The following DHRS9 variants were observed in gnomAD, a reference collection of about 807,000 sequenced individuals.
The protein encoded by DHRS9 is dehydrogenase/reductase SDR family member 9.
A neutral mutation model predicts 26.6 loss-of-function variants in DHRS9; 18 were observed. The observed-to-expected ratio is 0.68, with a 90% CI of 0.47 to 1.00. The LOEUF (loss-of-function observed/expected upper bound fraction) is 1.00. DHRS9 is among the 50% of genes least tolerant of loss of function. The pLI is 0.00. For missense variants in DHRS9, 425 were observed against 378.7 expected, an observed-to-expected ratio of 1.12 and a Z score of -1.01; for synonymous variants, 134 against 141.1, an observed-to-expected ratio of 0.95 and a Z score of 0.36.
intron 3 of DHRS9, among the ~76,000 whole-genome samples, chr2:169,085,060 C>T (rs1439044501): frequency 6.6e-6 from 1 of 152,072 alleles, no homozygotes; most frequent in Non-Finnish European, 1.5e-5. Context: ...ATGTGGACAT[C>T]CAGTTTTCCT....
intron 1 of DHRS9, among the ~76,000 whole-genome samples, chr2:169,074,100 A>G (rs541453485): frequency 5.3e-5 from 8 of 152,320 alleles, no homozygotes; most frequent in African/African-American, 1.7e-4. Context: ...AGAGGAATCA[A>G]TGCCTAAATA....
chr2:169,077,568 C>T lies in DHRS9; in HGVS notation c.-59-3955C>T, dbSNP rs80190040. Among the ~76,000 whole-genome samples the T allele has an allele frequency of 2.3e-3, 347 of 151,714 alleles. 9 individuals carry two copies. The East Asian group carries it at 0.058, about 25-fold the overall frequency. ...TACTACTGCGGTTTGTTGTTTCTTCCGTAATTGAAGATTGTGCTAAACTTC... is the reference window on the plus strand; with the variant it reads ...TACTACTGCGGTTTGTTGTTTCTTCTGTAATTGAAGATTGTGCTAAACTTC... On this transcript the variant is annotated intron_variant, in intron 1 of 4. Transcript: ENST00000674881.
intron 2 of DHRS9, 147 bp downstream of exon 2, chr2:169,082,041 G>A (rs897562554): frequency 2.3e-6 from 2 of 861,210 alleles, no homozygotes; most frequent in Non-Finnish European, 3.5e-6. Context: ...TCTTAGGATA[G>A]CTTCTGAGTA....
intron 4 of DHRS9, among the ~76,000 whole-genome samples, chr2:169,094,167 A>G (rs777740425): frequency 1.2e-4 from 18 of 152,086 alleles, no homozygotes; most frequent in Non-Finnish European, 2.2e-4. Context: ...TTTAATTTGC[A>G]TTTCCCTGAT....
chr2:169,091,286 T>TAAAATAAAATAAAAC (rs1684517370), intron 3 of DHRS9, among the ~76,000 whole-genome samples: 1 of 106,672 alleles, frequency 9.4e-6, no homozygotes, highest in Non-Finnish European at 2.0e-5. Flanking sequence ...TAAAATAAAA[T>TAAAATAAAATAAAAC]AAAATAAAAT....
chr2:169,068,446 T>A (rs954334731), upstream of DHRS9, among the ~76,000 whole-genome samples: 2 of 152,146 alleles, frequency 1.3e-5, no homozygotes, highest in African/African-American at 4.8e-5. Flanking sequence ...TGTCTTAGCT[T>A]ACCAAGTTGC....
intron 1 of DHRS9, chr2:169,081,273 A>G (rs574665131): frequency 3.8e-6 from 3 of 791,758 alleles, no homozygotes; most frequent in African/African-American, 3.6e-5. Flanking sequence ...CAATTTTGCC[A>G]TGGCTCCCCT....
Position 169,083,570 on chromosome 2 carries a change from T to C in DHRS9, c.555T>C (p.Gly185=). The C allele has an allele frequency of 6.2e-7, 1 of 1,613,908 alleles. No individual in the cohort carries two copies. The highest frequency in any genetic ancestry group is 8.5e-7 in the Non-Finnish European group (1 of 1,179,906). ...CTCCATCCAAATATGCAGTGGAAGG[T>C]TTCAATGACAGCTTAAGGTAAATCA... ...GYTPSKYAVE[G]FNDSLRRDMK... is the part of the protein sequence containing the mutation. Residue 185 remains glycine, a synonymous_variant, in exon 3 of 5, where the codon GGT becomes GGC. Transcript: ENST00000674881.
intron 3 of DHRS9, among the ~76,000 whole-genome samples, chr2:169,084,800 T>C (rs1037679908): frequency 1.3e-5 from 2 of 152,186 alleles, no homozygotes; most frequent in Admixed American, 6.5e-5. Flanking sequence ...ACTTTTTTGA[T>C]TGTTTCCTTT....
At chr2:169,071,425 G>A (rs1381115149) in intron 1 of DHRS9, among the ~76,000 whole-genome samples, 1 of 150,706 alleles carries the variant, frequency 6.6e-6, no homozygotes, top group Non-Finnish European at 1.5e-5. Flanking sequence ...TTTGAAGGAA[G>A]GCAAAAGAAA....
chr2:169,081,381 A>C, intron 1 of DHRS9, 142 bp from the exon 2 acceptor site: 3 of 1,170,238 alleles, frequency 2.6e-6, no homozygotes, highest in Non-Finnish European at 3.4e-6. Context: ...TCTTCCCAAC[A>C]AACAACCAAA....
At chr2:169,072,260 T>G (rs1322889283) in intron 1 of DHRS9, among the ~76,000 whole-genome samples, 4 of 152,200 alleles carry the variant, frequency 2.6e-5, no homozygotes, top group Non-Finnish European at 5.9e-5. Context: ...ACATAGTTGT[T>G]GATTCAACTT....
At chr2:169,079,004 C>T (rs1474947535) in intron 1 of DHRS9, among the ~76,000 whole-genome samples, 3 of 151,506 alleles carry the variant, frequency 2.0e-5, no homozygotes, top group African/African-American at 4.9e-5. Flanking sequence ...CCCTCCACCA[C>T]ACCCAGCTAA....
intron 1 of DHRS9, among the ~76,000 whole-genome samples, chr2:169,078,815 CTTTTTTTTT>C (rs200691133): frequency 0.3 from 33,381 of 111,208 alleles, 4,296 homozygotes; most frequent in African/African-American, 0.41. Flanking sequence ...TATCAACTGA[CTTTTTTTTT>C]TTTTTTTTTT....
At chr2:169,071,899 G>A (rs967636005) in intron 1 of DHRS9, among the ~76,000 whole-genome samples, 10 of 151,556 alleles carry the variant, frequency 6.6e-5, no homozygotes, top group African/African-American at 2.4e-4. Context: ...ATTTCTGGGT[G>A]GACCATTTGA....
At chr2:169,092,257 C>T (rs960972576) in intron 4 of DHRS9, among the ~76,000 whole-genome samples, 1 of 152,184 alleles carries the variant, frequency 6.6e-6, no homozygotes, top group Non-Finnish European at 1.5e-5. Context: ...CTCAAGATTA[C>T]ACAACACCTC....
rs1167802523 is a variant in DHRS9 at position 169,081,678 on chromosome 2, T to A, written c.97T>A (p.Phe33Ile). ...TGAAGACATCACTGATAAGTACATT[T>A]TTATCACTGGATGTGACTCGGGCTT... Reference protein sequence around the residue: ...KIEDITDKYIFITGCDSGFGN... With the variant: ...KIEDITDKYIIITGCDSGFGN... The change falls in exon 2 of 5, where the codon TTT becomes ATT. Residue 33 changes from phenylalanine to isoleucine, a missense_variant. Transcript: ENST00000674881. 1.2e-6 allele frequency: 2 copies of A among 1,614,186 alleles called. No homozygotes were observed. The highest frequency in any genetic ancestry group is 1.7e-5 in the Admixed American group (1 of 60,026).
intron 1 of DHRS9, among the ~76,000 whole-genome samples, chr2:169,073,771 C>T (rs1683881087): frequency 6.6e-6 from 1 of 151,950 alleles, no homozygotes; most frequent in Non-Finnish European, 1.5e-5. Context: ...TCCATGAGGC[C>T]ATTAAAAAAA....
In DHRS9 at chr2:169,095,934, C is replaced by T. The variant is rs1055306085; in HGVS notation, c.*167C>T. 9.1e-6 allele frequency: 6 copies of T among 656,686 alleles called. No homozygotes were observed. In the African/African-American group the frequency reaches 1.1e-4, roughly 12 times the overall value. The allele number at this position is 656,686 out of a possible 1,614,324, so 40.7% of individuals were successfully genotyped here. On this transcript the variant is annotated 3_prime_UTR_variant, in exon 5 of 5. Coordinates refer to ENST00000674881, the MANE Select transcript of DHRS9 (RefSeq NM_001376924.1). Reference sequence around the variant, plus strand: ...CCATCGCTGGTGGTATCCCAGGGTCCCTGCTCAAGTTTTCTTTGAAAAGGA... The same window carrying T: ...CCATCGCTGGTGGTATCCCAGGGTCTCTGCTCAAGTTTTCTTTGAAAAGGA...
Sources: gnomAD v4.1 joint callset for allele counts (sites outside exome capture counted in the v4.1 genomes callset) on GRCh38, gnomAD v4.1.1 for gene constraint, MANE v1.5 for transcripts, NCBI Gene and HGNC (gene_info 2026-07-23, HGNC 2026-07-21) for gene names.